Variants in ADAMTS16 observed in about 807,000 individuals in gnomAD.
ADAMTS16 encodes the protein A disintegrin and metalloproteinase with thrombospondin motifs 16.
In ADAMTS16, 94 loss-of-function variants were observed where a neutral mutation model predicts 145.8. The ratio of observed to expected loss-of-function variants is 0.64; its 90% confidence interval spans 0.55 to 0.77. ADAMTS16 has a LOEUF of 0.77. Among genes scored for constraint, ADAMTS16 ranks in the 30% least tolerant of loss-of-function variants. ADAMTS16 has a pLI of 0.00. For synonymous variants in ADAMTS16, 659 were observed against 604.3 expected (o/e 1.09, Z -1.33); for missense variants, 1,585 against 1,591.5 (o/e 1.00, Z 0.07).
intron 11 of ADAMTS16, among the ~76,000 whole-genome samples, chr5:5,229,694 T>C (rs1344105656): frequency 6.6e-6 from 1 of 152,198 alleles, no homozygotes; most frequent in Non-Finnish European, 1.5e-5. Flanking sequence ...ACATATGACA[T>C]TAGCATATTT....
At chr5:5,169,029 C>T (rs1169353654) in intron 3 of ADAMTS16, among the ~76,000 whole-genome samples, 1 of 151,716 alleles carries the variant, frequency 6.6e-6, no homozygotes, top group Non-Finnish European at 1.5e-5. Context: ...TATCCTATGG[C>T]ATGGGGGCTA....
chr5:5,161,310 G>A (rs1734739451), intron 3 of ADAMTS16, among the ~76,000 whole-genome samples: 1 of 152,128 alleles, frequency 6.6e-6, no homozygotes, highest in East Asian at 1.9e-4. Context: ...ATACTTTCAA[G>A]AGGTCATTTT....
chr5:5,185,858 C>G (rs75010576), intron 4 of ADAMTS16, among the ~76,000 whole-genome samples, 194 bp from the exon 5 acceptor site: 2 of 152,162 alleles, frequency 1.3e-5, no homozygotes, highest in African/African-American at 4.8e-5. Flanking sequence ...TTCCATGATG[C>G]CTAGACTACA....
chr5:5,169,328 G>T (rs1734983547), intron 3 of ADAMTS16, among the ~76,000 whole-genome samples: 1 of 152,158 alleles, frequency 6.6e-6, no homozygotes, highest in Admixed American at 6.5e-5. Context: ...CTCACAGAAG[G>T]CCCCTCCAGT....
chr5:5,220,310 C>A (rs1736561272), intron 10 of ADAMTS16, among the ~76,000 whole-genome samples: 1 of 150,750 alleles, frequency 6.6e-6, no homozygotes, highest in Non-Finnish European at 1.5e-5. Flanking sequence ...CAGGCACCCG[C>A]CACCACGCCT....
Position 5,140,721 on chromosome 5 carries a change from C to G in ADAMTS16, c.130C>G (p.Arg44Gly). 6.4e-7 allele frequency: 1 copy of G among 1,570,566 alleles called. No homozygotes were observed. The highest frequency in any genetic ancestry group is 2.3e-5 in the East Asian group (1 of 43,320). The change falls in exon 2 of 23, where the codon CGT becomes GGT. Residue 44 changes from arginine (R) to glycine (G), a missense_variant. Physicochemically the swap from Arg to Gly is moderately radical, Grantham distance 125 (BLOSUM62 -2). This residue lies in a region of ADAMTS16 where 453 missense variants were observed against 412.1 expected (regional missense o/e 1.10). Transcript: ENST00000274181. ...AGCGCCTGGGAGCCCGAGCGTCCCG[C>G]GTCCTCCTCCACCCGCGGAGCGGCC... ...AAAPGSPSVP[R>G]PPPPAERPGW...
chr5:5,151,003 T>A (rs1734438869), intron 3 of ADAMTS16, among the ~76,000 whole-genome samples: 1 of 152,172 alleles, frequency 6.6e-6, no homozygotes, highest in Non-Finnish European at 1.5e-5. Context: ...TCATTTTTTC[T>A]TCATTCATTT....
At chr5:5,294,817 G>A (rs1339730151) in intron 18 of ADAMTS16, among the ~76,000 whole-genome samples, 3 of 152,180 alleles carry the variant, frequency 2.0e-5, no homozygotes, top group Admixed American at 1.3e-4. Flanking sequence ...GGAAGGGCAG[G>A]TGACAGGAAA....
chr5:5,309,827 CGTGT>C (rs35723690), intron 21 of ADAMTS16, among the ~76,000 whole-genome samples: 27,140 of 146,886 alleles, frequency 0.18, 2,829 homozygotes, highest in Non-Finnish European at 0.24. Flanking sequence ...GTCATGTCCT[CGTGT>C]GTGTGTGTGT....
intron 17 of ADAMTS16, among the ~76,000 whole-genome samples, chr5:5,254,906 T>G (rs1737733249): frequency 1.3e-5 from 2 of 152,154 alleles, no homozygotes; most frequent in African/African-American, 4.8e-5. Context: ...TTTTATGCTC[T>G]GGAACAATTT....
Position 5,205,715 on chromosome 5 carries a change from C to G in ADAMTS16, c.1452-3378C>G, listed in dbSNP as rs532041030. 1.1e-3 allele frequency among the ~76,000 whole-genome samples: 171 copies of G among 152,238 alleles called. 1 individual carries two copies. Among genetic ancestry groups the G allele is most frequent in the African/African-American group, 4.0e-3 (165 of 41,572 alleles). Reference sequence around the variant, plus strand: ...TATGATGTTGAGATCTTTTTATATGCTTATTTGCCATCTATATATTCTTTG... The same window carrying G: ...TATGATGTTGAGATCTTTTTATATGGTTATTTGCCATCTATATATTCTTTG... On this transcript the variant is annotated intron_variant, in intron 9 of 22. Transcript: ENST00000274181.
At chr5:5,315,466 T>C (rs555639781) in intron 21 of ADAMTS16, among the ~76,000 whole-genome samples, 2 of 149,490 alleles carry the variant, frequency 1.3e-5, no homozygotes, top group African/African-American at 2.4e-5. Flanking sequence ...AAAAAACCAA[T>C]GGCTAGATCT....
At chr5:5,278,173 T>G (rs77719616) in intron 18 of ADAMTS16, among the ~76,000 whole-genome samples, 1 of 152,182 alleles carries the variant, frequency 6.6e-6, no homozygotes, top group Admixed American at 6.5e-5. Flanking sequence ...CTATGAGAAG[T>G]CACAGCTCCC....
At chr5:5,195,088 G>A (rs1264209025) in intron 8 of ADAMTS16, among the ~76,000 whole-genome samples, 2 of 152,134 alleles carry the variant, frequency 1.3e-5, no homozygotes, top group Non-Finnish European at 2.9e-5. Context: ...TTTATGCTAG[G>A]GAATGTGACC....
At chr5:5,207,020 C>G (rs1417141690) in intron 9 of ADAMTS16, among the ~76,000 whole-genome samples, 1 of 152,110 alleles carries the variant, frequency 6.6e-6, no homozygotes, top group African/African-American at 2.4e-5. Context: ...CAGTATTGCT[C>G]TGGTTATTTT....
intron 5 of ADAMTS16, 116 bp from the exon 6 acceptor site, chr5:5,187,609 A>G (rs1229100819): frequency 1.5e-5 from 11 of 730,136 alleles, no homozygotes. Context: ...TAGCAATACA[A>G]GAAAGTTAAC....
intron 17 of ADAMTS16, among the ~76,000 whole-genome samples, chr5:5,254,557 G>A (rs553055190): frequency 4.3e-4 from 66 of 152,060 alleles, no homozygotes; most frequent in Non-Finnish European, 8.5e-4. Flanking sequence ...ATATATTGAT[G>A]TGAGTAAATA....
chr5:5,229,140 T>A (rs1736850875), intron 11 of ADAMTS16, among the ~76,000 whole-genome samples: 1 of 149,918 alleles, frequency 6.7e-6, no homozygotes, highest in African/African-American at 2.5e-5. Context: ...CTACTAAAAA[T>A]ACAAAAAATT....
chr5:5,221,553 A>G (rs1050846380), intron 10 of ADAMTS16, among the ~76,000 whole-genome samples: 1 of 152,232 alleles, frequency 6.6e-6, no homozygotes, highest in Non-Finnish European at 1.5e-5. Flanking sequence ...ACCACAGCGC[A>G]ATATGAAAGC....
Sources: gnomAD v4.1 joint callset for allele counts (sites outside exome capture counted in the v4.1 genomes callset) on GRCh38, gnomAD v4.1.1 for gene constraint, gnomAD v4.1.1 regional missense constraint, MANE v1.5 for transcripts, NCBI Gene and HGNC (gene_info 2026-07-23, HGNC 2026-07-21) for gene names.